Variants in BCHE observed in about 807,000 individuals in gnomAD.
BCHE encodes cholinesterase.
In BCHE, 48 loss-of-function variants were observed where a neutral mutation model predicts 51.3. The observed-to-expected ratio is 0.94, with a 90% CI of 0.74 to 1.19. BCHE has a LOEUF of 1.19. BCHE is among the 50% of genes most tolerant of loss of function. The pLI is 0.00. For missense variants in BCHE, 847 were observed against 708.2 expected (o/e 1.20, Z -2.23); for synonymous variants, 251 against 238.0 (o/e 1.05, Z -0.50).
In BCHE at chr3:165,829,866, T is replaced by C. The variant is rs1158169788; in HGVS notation, c.1168A>G (p.Ser390Gly). 2 of 1,612,244 alleles carry C rather than the reference T, an allele frequency of 1.2e-6. No individual in the cohort carries two copies. The highest frequency in any genetic ancestry group is 1.3e-5 in the African/African-American group (1 of 74,696). ...AGGATGGATTCCTTTCCAAACTCACTCACTCCTGGAAAAAATATTTTTAAA... is the reference window on the plus strand; with the variant it reads ...AGGATGGATTCCTTTCCAAACTCACCCACTCCTGGAAAAAATATTTTTAAA... ...EGLKIFFPGV[S>G]EFGKESILFH... is the part of the protein sequence containing the mutation. Residue 390 changes from serine to glycine, a missense_variant, in exon 2 of 4, where the codon AGT becomes GGT. Coordinates refer to ENST00000264381, the MANE Select transcript of BCHE (RefSeq NM_000055.4).
intron 3 of BCHE, among the ~76,000 whole-genome samples, chr3:165,783,556 A>C (rs1006789045): frequency 1.3e-5 from 2 of 152,050 alleles, no homozygotes; most frequent in Non-Finnish European, 2.9e-5. Context: ...CAAAGTAACC[A>C]GTTCAAAGGG....
intron 2 of BCHE, among the ~76,000 whole-genome samples, chr3:165,825,766 T>C (rs1428477388): frequency 6.6e-6 from 1 of 152,042 alleles, no homozygotes; most frequent in Non-Finnish European, 1.5e-5. Context: ...TGTGTTCTCA[T>C]TGTTCAATTT....
At chr3:165,783,560 C>T (rs1254691973) in intron 3 of BCHE, among the ~76,000 whole-genome samples, 1 of 151,984 alleles carries the variant, frequency 6.6e-6, no homozygotes, top group East Asian at 1.9e-4. Context: ...GTAACCAGTT[C>T]AAAGGGTATT....
intron 2 of BCHE, among the ~76,000 whole-genome samples, chr3:165,817,638 C>G (rs1015738561): frequency 6.6e-5 from 10 of 152,048 alleles, no homozygotes; most frequent in Admixed American, 2.6e-4. Flanking sequence ...CTCTGTCCCT[C>G]TATTTTAATA....
At chr3:165,809,751 A>G (rs1412097504) in intron 2 of BCHE, among the ~76,000 whole-genome samples, 1 of 152,130 alleles carries the variant, frequency 6.6e-6, no homozygotes, top group Non-Finnish European at 1.5e-5. Context: ...CCCAATGATA[A>G]TGTACACAAA....
chr3:165,825,436 T>G (rs1391087342), intron 2 of BCHE, among the ~76,000 whole-genome samples: 1 of 151,496 alleles, frequency 6.6e-6, no homozygotes, highest in African/African-American at 2.4e-5. Flanking sequence ...TAGGGAAATA[T>G]TTATTTGATA....
At chr3:165,827,156 C>G (rs889296597) in intron 2 of BCHE, among the ~76,000 whole-genome samples, 1 of 152,014 alleles carries the variant, frequency 6.6e-6, no homozygotes, top group Non-Finnish European at 1.5e-5. Context: ...TATATTAATT[C>G]GCATGTATAC....
intron 1 of BCHE, among the ~76,000 whole-genome samples, chr3:165,836,688 T>C (rs1332467005): frequency 6.6e-6 from 1 of 152,054 alleles, no homozygotes; most frequent in East Asian, 1.9e-4. Context: ...TGCTACAATT[T>C]AAACAAACAT....
chr3:165,775,336 G>A (rs1002503558), intron 3 of BCHE, among the ~76,000 whole-genome samples: 1 of 151,722 alleles, frequency 6.6e-6, no homozygotes, highest in African/African-American at 2.4e-5. Flanking sequence ...TGTAAAAATG[G>A]CTTTTAAAAA....
At chr3:165,799,323 C>T (rs569609481) in intron 2 of BCHE, among the ~76,000 whole-genome samples, 10 of 152,126 alleles carry the variant, frequency 6.6e-5, no homozygotes, top group African/African-American at 2.4e-4. Context: ...TTTTATGAAC[C>T]TACACTCCTG....
At chr3:165,802,642 G>A (rs1004959776) in intron 2 of BCHE, among the ~76,000 whole-genome samples, 1 of 141,316 alleles carries the variant, frequency 7.1e-6, no homozygotes. Flanking sequence ...TTTTTTTTTT[G>A]TAATTGTAAA....
intron 1 of BCHE, among the ~76,000 whole-genome samples, chr3:165,833,108 A>G (rs1240937741): frequency 6.6e-6 from 1 of 152,166 alleles, no homozygotes; most frequent in Non-Finnish European, 1.5e-5. Flanking sequence ...AAAAAAATCA[A>G]GCCACAAGAT....
chr3:165,812,773 T>C (rs1714150805), intron 2 of BCHE, among the ~76,000 whole-genome samples: 2 of 152,056 alleles, frequency 1.3e-5, no homozygotes, highest in South Asian at 4.1e-4. Flanking sequence ...CATAATACAG[T>C]GAATATGCAT....
intron 2 of BCHE, among the ~76,000 whole-genome samples, chr3:165,812,243 T>C (rs1714129185): frequency 6.6e-6 from 1 of 150,940 alleles, no homozygotes; most frequent in Non-Finnish European, 1.5e-5. Context: ...TTCTTAGACA[T>C]CAATCTATCA....
Position 165,786,140 on chromosome 3 carries a change from C to G in BCHE, c.1684+5G>C, listed in dbSNP as rs1712939487. The G allele has an allele frequency of 2.5e-6, 4 of 1,610,628 alleles. No homozygotes were observed. The highest frequency in any genetic ancestry group is 3.4e-6 in the Non-Finnish European group (4 of 1,177,462). ...TAAATAACCAAACACTAAAAACAGA[C>G]ACACCTGTCATTTCCAAGACTTTTG... On this transcript the variant is annotated splice_donor_5th_base_variant and intron_variant, in intron 3 of 3. Transcript: ENST00000264381.
At chr3:165,792,015 G>A (rs1332905031) in intron 2 of BCHE, among the ~76,000 whole-genome samples, 1 of 146,332 alleles carries the variant, frequency 6.8e-6, no homozygotes, top group Non-Finnish European at 1.5e-5. Flanking sequence ...AAGTTCACGT[G>A]TTAAATTTTA....
At chr3:165,806,170 C>A (rs1276411320) in intron 2 of BCHE, among the ~76,000 whole-genome samples, 1 of 152,084 alleles carries the variant, frequency 6.6e-6, no homozygotes, top group Non-Finnish European at 1.5e-5. Context: ...GTGCTCTTGG[C>A]ACGTAATCTA....
In BCHE at chr3:165,794,377, T is replaced by C. The variant is rs535239305; in HGVS notation, c.1518-8066A>G. Among the ~76,000 whole-genome samples the C allele has an allele frequency of 2.3e-4, 35 of 152,352 alleles. No homozygotes were observed. In the South Asian group the frequency reaches 6.8e-3, roughly 30 times the overall value. ...CACATATACACAAGCTGTCATAGTC[T>C]GCTTGGGATTATATAACAGAATATC... On this transcript the variant is annotated intron_variant, in intron 2 of 3. Transcript: ENST00000264381.
At chr3:165,821,632 C>T (rs181297643) in intron 2 of BCHE, among the ~76,000 whole-genome samples, 44 of 151,974 alleles carry the variant, frequency 2.9e-4, no homozygotes, top group African/African-American at 9.6e-4. Context: ...ACTTTAATGA[C>T]GTTATGGCCA....
Sources: allele counts gnomAD v4.1 joint callset (sites outside exome capture counted in the v4.1 genomes callset), GRCh38; gene constraint gnomAD v4.1.1; transcripts MANE v1.5; gene names NCBI Gene and HGNC (gene_info 2026-07-23, HGNC 2026-07-21).